TACC1: variants seen among roughly 807,000 people sequenced by gnomAD.
The protein encoded by TACC1 is transforming acidic coiled-coil containing protein 1, also known as transforming acidic coiled-coil-containing protein 1.
Under a neutral mutation model 84.4 loss-of-function variants are expected in TACC1, and 48 were observed. The ratio of observed to expected loss-of-function variants is 0.57; its 90% CI spans 0.45 to 0.72. The LOEUF (loss-of-function observed/expected upper bound fraction) is 0.72. Ranked by LOEUF, TACC1 falls within the 30% of genes least tolerant of loss-of-function variation. The pLI, the probability that TACC1 is intolerant of heterozygous loss-of-function variation, is 0.00. For synonymous variants in TACC1, 372 were observed against 376.3 expected (o/e 0.99, Z 0.13); for missense variants, 920 against 973.0 (o/e 0.95, Z 0.72).
chr8:38,836,420 G>T, intron 7 of TACC1, 133 bp downstream of exon 7: 1 of 1,259,096 alleles, frequency 7.9e-7, no homozygotes, highest in East Asian at 2.5e-5. Flanking sequence ...GCTTGTTTAG[G>T]TCGTAAAAGG....
At chr8:38,775,985 A>G (rs1009926031) in intron 3 of TACC1, among the ~76,000 whole-genome samples, 5 of 151,696 alleles carry the variant, frequency 3.3e-5, no homozygotes, top group Non-Finnish European at 7.3e-5. Context: ...AATCGTCACT[A>G]GCACCAGTTA....
At chr8:38,778,934 T>A (rs1260143133) in intron 3 of TACC1, among the ~76,000 whole-genome samples, 2 of 152,022 alleles carry the variant, frequency 1.3e-5, no homozygotes, top group African/African-American at 4.8e-5. Flanking sequence ...TTTTTGTGCC[T>A]TTGAGGATTC....
chr8:38,792,346 T>A (rs75061053), intron 2 of TACC1, among the ~76,000 whole-genome samples: 40 of 152,344 alleles, frequency 2.6e-4, no homozygotes, highest in Admixed American at 1.5e-3. Context: ...TAGACTGGAG[T>A]GCAGTAGTAT....
intron 2 of TACC1, among the ~76,000 whole-genome samples, chr8:38,796,855 T>C (rs1336091317): frequency 6.6e-6 from 1 of 152,252 alleles, no homozygotes; most frequent in Non-Finnish European, 1.5e-5. Flanking sequence ...TGGTGATCTC[T>C]GGCTGCATAA....
chr8:38,765,732 T>C (rs1433671861), intron 3 of TACC1, among the ~76,000 whole-genome samples: 1 of 152,188 alleles, frequency 6.6e-6, no homozygotes, highest in East Asian at 1.9e-4. Flanking sequence ...CATTTCTAAA[T>C]GCATGAAATC....
chr8:38,802,403 G>C (rs1345529132), intron 2 of TACC1: 1 of 152,222 alleles, frequency 6.6e-6, no homozygotes, highest in Non-Finnish European at 1.5e-5. Flanking sequence ...TGCGAACCCT[G>C]TTGTGAAAGG....
chr8:38,831,861 C>T (rs1829323176), intron 6 of TACC1, among the ~76,000 whole-genome samples: 1 of 150,600 alleles, frequency 6.6e-6, no homozygotes, highest in African/African-American at 2.4e-5. Context: ...GGTTGGAGTA[C>T]AGTGACGCAA....
chr8:38,761,577 A>C (rs182028149), intron 3 of TACC1, among the ~76,000 whole-genome samples: 78 of 152,368 alleles, frequency 5.1e-4, no homozygotes, highest in African/African-American at 1.9e-3. Context: ...CCTGACACCA[A>C]GAGGGAGGTG....
At position 38,781,937 on chromosome 8, in the gene TACC1, TTTTA is replaced by T. The variant is rs201872394; in HGVS notation, c.27-6751_27-6748del. On this transcript the variant is annotated intron_variant, in intron 3 of 14. Coordinates refer to the TACC1 transcript ENST00000518415. ...CCCTCTTTTTTATTTTTTATTTTAA[TTTTA>T]TTTATTTATTTATTTTTTACATTCT... Among the ~76,000 whole-genome samples the T allele has an allele frequency of 1.9e-3, 282 of 151,348 alleles. 5 individuals are homozygous for T. The East Asian group carries it at 0.022, about 12-fold the overall frequency.
At chr8:38,785,687 T>A (rs1563458201), upstream of TACC1, 11 of 985,468 alleles carry the variant, frequency 1.1e-5, no homozygotes, top group Non-Finnish European at 1.2e-5. Flanking sequence ...AACAGAACCC[T>A]GTGTCAAATC....
intron 1 of TACC1, among the ~76,000 whole-genome samples, chr8:38,730,197 C>G (rs559436039): frequency 6.6e-6 from 1 of 152,346 alleles, no homozygotes; most frequent in East Asian, 1.9e-4. Context: ...TCCGTCCTCC[C>G]ATCCGCCTCC....
At chr8:38,817,920 A>T (rs573394046) in intron 2 of TACC1, among the ~76,000 whole-genome samples, 595 of 26,238 alleles carry the variant, frequency 0.023, 4 homozygotes, top group African/African-American at 0.096. Context: ...AGAGACCCCT[A>T]AAAAAAAAAA....
chr8:38,751,210 C>G (rs933196431), intron 3 of TACC1, among the ~76,000 whole-genome samples: 1 of 150,692 alleles, frequency 6.6e-6, no homozygotes, highest in African/African-American at 2.4e-5. Context: ...AAAAAAAAAT[C>G]CATGTTGAAC....
intron 1 of TACC1, among the ~76,000 whole-genome samples, chr8:38,740,105 T>A (rs1806776251): frequency 6.6e-6 from 1 of 152,170 alleles, no homozygotes; most frequent in Non-Finnish European, 1.5e-5. Flanking sequence ...TGGCGAGAGA[T>A]CTGAGTGCTG....
At chr8:38,831,349 G>A (rs537476062) in intron 6 of TACC1, among the ~76,000 whole-genome samples, 172 bp downstream of exon 6, 9 of 152,284 alleles carry the variant, frequency 5.9e-5, no homozygotes, top group South Asian at 2.1e-4. Flanking sequence ...AACCCTAGCC[G>A]CAGGTAGCTG....
At chr8:38,752,583 A>G (rs1809246941) in intron 3 of TACC1, among the ~76,000 whole-genome samples, 1 of 152,220 alleles carries the variant, frequency 6.6e-6, no homozygotes, top group Admixed American at 6.5e-5. Flanking sequence ...AACCACGGAC[A>G]TGAAATTCTA....
chr8:38,758,331 C>T (rs1330189348), intron 3 of TACC1, among the ~76,000 whole-genome samples: 1 of 152,136 alleles, frequency 6.6e-6, no homozygotes, highest in Non-Finnish European at 1.5e-5. Context: ...AATTTTGTCC[C>T]TAATGTTACC....
chr8:38,729,116 G>A (rs952032261), intron 1 of TACC1, among the ~76,000 whole-genome samples: 2 of 152,052 alleles, frequency 1.3e-5, no homozygotes, highest in African/African-American at 4.8e-5. Context: ...GACAGGGCTG[G>A]GAAAAGCATT....
chr8:38,831,913 TCTC>T (rs1343667481), intron 6 of TACC1, among the ~76,000 whole-genome samples: 1 of 151,946 alleles, frequency 6.6e-6, no homozygotes, highest in Non-Finnish European at 1.5e-5. Flanking sequence ...TTCAAGCAGT[TCTC>T]CTCCCTCAGC....
Sources: gnomAD v4.1 joint callset for allele counts (sites outside exome capture counted in the v4.1 genomes callset) on GRCh38, gnomAD v4.1.1 for gene constraint, MANE v1.5 for transcripts, NCBI Gene and HGNC (gene_info 2026-07-23, HGNC 2026-07-21) for gene names.